POLR2B: variants seen among roughly 807,000 people sequenced by gnomAD.
The protein encoded by POLR2B is RNA polymerase II subunit B.
POLR2B carries 57 observed loss-of-function variants against 144.6 expected under a neutral mutation model. The observed-to-expected ratio is 0.39, with a 90% CI of 0.32 to 0.49. POLR2B has a LOEUF of 0.49. Ranked by LOEUF, POLR2B falls within the 20% of genes least tolerant of loss-of-function variation. The probability of loss-of-function intolerance (pLI) is 0.83; values close to 1 mark genes in which losing one functional copy is unlikely to be tolerated. For missense variants in POLR2B, 595 were observed against 1,467.4 expected (o/e 0.41, Z 9.71); for synonymous variants, 442 against 469.8 (o/e 0.94, Z 0.77).
At chr4:56,986,315 A>T (rs748456857) in intron 1 of POLR2B, 39 bp from the exon 2 acceptor site, 2 of 1,145,258 alleles carry the variant, frequency 1.7e-6, no homozygotes, top group Admixed American at 3.4e-5. Flanking sequence ...ACTAAGTGGC[A>T]TCTCATTGCA....
Position 57,023,835 on chromosome 4 carries a change from C to A in POLR2B, c.2856+84C>A. The A allele has an allele frequency of 3.1e-6, 3 of 956,448 alleles. No individual in the cohort carries two copies. The highest frequency in any genetic ancestry group is 4.8e-6 in the Non-Finnish European group (3 of 625,848). 59.2% of individuals were successfully genotyped at this position (956,448 alleles called of 1,614,324 possible). On this transcript the variant is annotated intron_variant, in intron 20 of 24. Coordinates refer to ENST00000314595, the MANE Select transcript of POLR2B (RefSeq NM_000938.3). The surrounding 1 kb of genome is among the most constrained non-coding windows in gnomAD (Gnocchi z 4.3). Reference sequence around the variant, plus strand: ...ATCAAAATTTGCTTTAACTTAAGAGCTCAAAGATGATACAGGTTGAACTTT... The same window carrying A: ...ATCAAAATTTGCTTTAACTTAAGAGATCAAAGATGATACAGGTTGAACTTT...
chr4:57,021,457 G>A (rs1272032393), intron 17 of POLR2B, among the ~76,000 whole-genome samples: 1 of 150,594 alleles, frequency 6.6e-6, no homozygotes, highest in Non-Finnish European at 1.5e-5. Flanking sequence ...AGAACTCAGA[G>A]GACAGATACT....
intron 1 of POLR2B, among the ~76,000 whole-genome samples, chr4:56,981,790 C>A (rs1036926085): frequency 6.6e-5 from 10 of 152,234 alleles, no homozygotes; most frequent in African/African-American, 2.4e-4. Context: ...GTCCTTGTTT[C>A]TAATTTTCAT....
chr4:56,992,557 T>C (rs1393377795), intron 3 of POLR2B, among the ~76,000 whole-genome samples: 1 of 115,846 alleles, frequency 8.6e-6, no homozygotes. Context: ...TTTTGGCTTA[T>C]CTATTTTTTT....
intron 2 of POLR2B, among the ~76,000 whole-genome samples, chr4:56,989,491 G>T (rs2109651874): frequency 6.6e-6 from 1 of 152,334 alleles, no homozygotes; most frequent in East Asian, 1.9e-4. Flanking sequence ...GGCCATACTT[G>T]ACTGGATCAG....
rs762979906 is a variant in POLR2B at position 56,994,519 on chromosome 4, A to G, written c.356+3A>G. ...GAAGCTAGATTAAGGAATCTCACGT[A>G]AGAAAGAATTTTTCCTTGTCAGCAG... On this transcript the variant is annotated splice_donor_region_variant and intron_variant, in intron 4 of 24. Coordinates refer to ENST00000314595, the MANE Select transcript of POLR2B (RefSeq NM_000938.3). The G allele has an allele frequency of 6.4e-7, 1 of 1,556,722 alleles. No homozygotes were observed. The highest frequency in any genetic ancestry group is 8.9e-7 in the Non-Finnish European group (1 of 1,128,332).
intron 3 of POLR2B, among the ~76,000 whole-genome samples, chr4:56,991,676 G>A (rs1041840176): frequency 6.6e-5 from 10 of 152,182 alleles, no homozygotes; most frequent in Non-Finnish European, 1.3e-4. Context: ...AGTTGGACAT[G>A]CTGTACAGAA....
At chr4:57,027,780 A>T (rs1723772912) in intron 23 of POLR2B, among the ~76,000 whole-genome samples, 1 of 152,200 alleles carries the variant, frequency 6.6e-6, no homozygotes, top group African/African-American at 2.4e-5. Flanking sequence ...ATTTTGTAGC[A>T]TCCTAATTGG....
At chr4:57,004,253 G>C (rs1005089485) in intron 7 of POLR2B, among the ~76,000 whole-genome samples, 2 of 150,670 alleles carry the variant, frequency 1.3e-5, no homozygotes, top group African/African-American at 4.9e-5. Context: ...TCTTCACTAC[G>C]TTGGCCAGGC....
intron 10 of POLR2B, among the ~76,000 whole-genome samples, chr4:57,008,995 A>C (rs1723109010): frequency 8.0e-6 from 1 of 125,086 alleles, no homozygotes; most frequent in Admixed American, 9.0e-5. Flanking sequence ...GGACAGATTC[A>C]CAGTAATTGG....
chr4:57,025,204 A>C (rs912749895), intron 22 of POLR2B, among the ~76,000 whole-genome samples, 173 bp from the exon 23 acceptor site: 10 of 152,216 alleles, frequency 6.6e-5, no homozygotes, highest in African/African-American at 2.4e-4. Context: ...AACCTTTTTT[A>C]GTCGCTACCT....
chr4:57,015,533 A>G lies in POLR2B; in HGVS notation c.1832A>G (p.Glu611Gly). The G allele has an allele frequency of 2.1e-6, 3 of 1,419,576 alleles. No individual in the cohort carries two copies. The highest frequency in any genetic ancestry group is 1.8e-5 in the South Asian group (1 of 55,990). 87.9% of individuals were successfully genotyped at this position (1,419,576 alleles called of 1,614,324 possible). A position where few individuals can be genotyped will look rare whatever the true frequency, so the allele number is the denominator to read the frequency against. The change falls in exon 14 of 25, where the codon GAG (glutamate) becomes GGG (glycine). Residue 611 changes from glutamate to glycine, a missense_variant. Transcript: ENST00000314595. Reference sequence around the variant, plus strand: ...ATGATCAGAGATATTCGAGAGAGGGAGATTCGGATCTATACGGATGCAGGC... The same window carrying G: ...ATGATCAGAGATATTCGAGAGAGGGGGATTCGGATCTATACGGATGCAGGC... ...VSMIRDIRER[E>G]IRIYTDAGRI...
chr4:57,021,354 A>C (rs1384495946), intron 17 of POLR2B, among the ~76,000 whole-genome samples: 1 of 152,214 alleles, frequency 6.6e-6, no homozygotes, highest in African/African-American at 2.4e-5. Flanking sequence ...AACAGACCTC[A>C]AATTCAAGGC....
In POLR2B at chr4:57,025,364, G is replaced by T. The variant is rs776629655; in HGVS notation, c.3079-13G>T. The T allele has an allele frequency of 1.9e-6, 3 of 1,603,736 alleles. No individual in the cohort carries two copies. The highest frequency in any genetic ancestry group is 2.6e-6 in the Non-Finnish European group (3 of 1,170,958). On this transcript the variant is annotated splice_polypyrimidine_tract_variant and intron_variant, in intron 22 of 24. Transcript: ENST00000314595. ...TTTTTAGGTCTACACTTCAAAATCT[G>T]TGTTTGTTGCAGGTCCTGTACAATG...
chr4:56,981,206 T>C (rs924022038), intron 1 of POLR2B, among the ~76,000 whole-genome samples: 4 of 152,204 alleles, frequency 2.6e-5, no homozygotes, highest in Admixed American at 6.5e-5. Flanking sequence ...TTTTGTTTAA[T>C]GTGTCCAGGA....
At chr4:57,006,701 C>T (rs969903004) in intron 9 of POLR2B, 115 bp from the exon 10 acceptor site, 3 of 747,064 alleles carry the variant, frequency 4.0e-6, no homozygotes, top group Non-Finnish European at 4.6e-6. Flanking sequence ...AACTTTCACT[C>T]TGCCCAAACA....
Position 57,011,035 on chromosome 4 carries a change from G to C in POLR2B, c.1735G>C (p.Asp579His), listed in dbSNP as rs142112959. 6.2e-7 allele frequency: 1 copy of C among 1,613,996 alleles called. No individual in the cohort carries two copies. The highest frequency in any genetic ancestry group is 1.3e-5 in the African/African-American group (1 of 74,916). Residue 579 changes from aspartate to histidine, a missense_variant, in exon 13 of 25, where the codon GAT becomes CAT. By Grantham distance (81) the Asp-to-His change is moderately conservative. This residue lies in a region of POLR2B where 29 missense variants were observed against 69.3 expected (regional missense o/e 0.42). Transcript: ENST00000314595. Reference protein sequence around the residue: ...VNGCWVGIHKDPEQLMNTLRK... With the variant: ...VNGCWVGIHKHPEQLMNTLRK... Reference sequence around the variant, plus strand: ...TGGCTGCTGGGTTGGAATACATAAAGATCCCGAACAACTTATGAACACCCT... The same window carrying C: ...TGGCTGCTGGGTTGGAATACATAAACATCCCGAACAACTTATGAACACCCT...
At chr4:56,988,020 G>T (rs1722385119) in intron 2 of POLR2B, among the ~76,000 whole-genome samples, 1 of 152,162 alleles carries the variant, frequency 6.6e-6, no homozygotes, top group Non-Finnish European at 1.5e-5. Flanking sequence ...GAGCTCAGGA[G>T]TTTGAGTGTT....
rs530731040 is a variant in POLR2B at position 56,991,284 on chromosome 4, T to C, written c.243+386T>C. The stretch of plus-strand genomic sequence containing the variant: ...ATATATTGCATGAAGTACATTATTA[T>C]AACCATATGAGATAAGAAAGGAAAA... On this transcript the variant is annotated intron_variant, in intron 3 of 24. Coordinates refer to ENST00000314595, the MANE Select transcript of POLR2B (RefSeq NM_000938.3). 3.3e-5 allele frequency among the ~76,000 whole-genome samples: 5 copies of C among 152,348 alleles called. No individual in the cohort carries two copies. The South Asian group carries it at 1.0e-3, about 32-fold the overall frequency.
Sources: gnomAD v4.1 joint callset for allele counts (sites outside exome capture counted in the v4.1 genomes callset) on GRCh38, gnomAD v4.1.1 for gene constraint, gnomAD v4.1.1 regional missense constraint, Gnocchi (gnomAD v3.1) non-coding constraint, MANE v1.5 for transcripts, NCBI Gene and HGNC (gene_info 2026-07-23, HGNC 2026-07-21) for gene names.